Variants in ASIC4 observed in about 807,000 individuals in gnomAD.
ASIC4 encodes acid-sensing ion channel 4.
In ASIC4, 28 loss-of-function variants were observed where a neutral mutation model predicts 53.4. That is an observed-to-expected ratio of 0.52 (90% CI 0.39 to 0.72). The LOEUF (loss-of-function observed/expected upper bound fraction) is 0.72. Among genes scored for constraint, ASIC4 ranks in the 30% least tolerant of loss-of-function variants. The pLI, the probability that ASIC4 is intolerant of heterozygous loss-of-function variation, is 0.00. For synonymous variants in ASIC4, 289 were observed against 301.4 expected, an observed-to-expected ratio of 0.96 and a Z score of 0.43; for missense variants, 649 against 729.7, an observed-to-expected ratio of 0.89 and a Z score of 1.27.
chr2:219,532,956 C>A lies in ASIC4; in HGVS notation c.1075+17C>A. 6.2e-7 allele frequency: 1 copy of A among 1,612,296 alleles called. No individual in the cohort carries two copies. Among genetic ancestry groups the A allele is most frequent in the Non-Finnish European group, 8.5e-7 (1 of 1,178,432 alleles). ...ACACACTGGGTCCGTGCTGCCTACC[C>A]TTTCCTACCTCTCCATCAGCCTCTT... is the stretch of plus-strand genomic sequence containing the variant. On this transcript the variant is annotated intron_variant, in intron 5 of 9. Coordinates refer to ENST00000358078, the MANE Select transcript of ASIC4 (RefSeq NM_018674.6).
chr2:219,515,050 TG>T lies in ASIC4; in HGVS notation c.328del (p.Ala110ArgfsTer30). 6.2e-7 allele frequency: 1 copy of T among 1,613,480 alleles called. No individual in the cohort carries two copies. Among genetic ancestry groups the T allele is most frequent in the Non-Finnish European group, 8.5e-7 (1 of 1,179,940 alleles). On this transcript the variant is annotated frameshift_variant, in exon 1 of 10. Transcript: ENST00000358078. LOFTEE classifies it high-confidence loss of function. ...ATGGACCCCGCTGCCCCAGCCCCAGTGGCGGGCTTCCCGGCTGTCACCCTCT... is the reference window on the plus strand; with the variant it reads ...ATGGACCCCGCTGCCCCAGCCCCAGTGCGGGCTTCCCGGCTGTCACCCTCT... The part of the protein sequence containing the change: ...VAMDPAAPAP[V>X]AGFPAVTLCN...
chr2:219,521,706 G>A (rs929129758), intron 1 of ASIC4, among the ~76,000 whole-genome samples: 2 of 148,222 alleles, frequency 1.3e-5, no homozygotes, highest in East Asian at 1.9e-4. Context: ...GACAGAGGCC[G>A]GCCTCAGGCT....
the ASIC4 span, among the ~76,000 whole-genome samples, chr2:219,508,213 C>G: frequency 6.6e-6 from 1 of 152,162 alleles, no homozygotes; most frequent in African/African-American, 2.4e-5. Flanking sequence ...GAGGGTGGGC[C>G]ATAGGACCAG....
rs1695168273 is a variant in ASIC4 at position 219,537,736 on chromosome 2, G to A, written c.1506G>A (p.Gln502=). The A allele has an allele frequency of 1.9e-6, 3 of 1,612,854 alleles. No individual in the cohort carries two copies. The highest frequency in any genetic ancestry group is 2.5e-6 in the Non-Finnish European group (3 of 1,179,398). ...TGGGGCTTCAGGAGCTGAAGGAACA[G>A]GTGAGGACAAGCTCTAAATGCCTGC... The part of the protein sequence containing the change: ...STLGLQELKE[Q]SPCPSRGRVE... Residue 502 remains glutamine (Q), a splice_region_variant and synonymous_variant, in exon 9 of 10, where the codon CAG becomes CAA. Coordinates refer to ENST00000358078, the MANE Select transcript of ASIC4 (RefSeq NM_018674.6). This position sits in a 1 kb window ranked among gnomAD's most constrained non-coding sequence, Gnocchi z 4.9.
chr2:219,512,750 C>A (rs1157944529), upstream of ASIC4, among the ~76,000 whole-genome samples: 1 of 152,248 alleles, frequency 6.6e-6, no homozygotes, highest in Admixed American at 6.5e-5. Flanking sequence ...GGGGTCTTAT[C>A]TTCCCAGCTT....
intron 1 of ASIC4, among the ~76,000 whole-genome samples, chr2:219,529,671 A>G (rs1020059941): frequency 6.6e-6 from 1 of 152,020 alleles, no homozygotes; most frequent in Non-Finnish European, 1.5e-5. Flanking sequence ...GTGACTTTGG[A>G]CGTCACTTCA....
chr2:219,508,698 C>T, the ASIC4 span, among the ~76,000 whole-genome samples: 3 of 151,878 alleles, frequency 2.0e-5, no homozygotes, highest in Admixed American at 6.6e-5. Context: ...CTTTGTCCAC[C>T]GCTGCTGGGA....
At chr2:219,512,223 CT>C (rs1694711359), upstream of ASIC4, among the ~76,000 whole-genome samples, 1 of 152,062 alleles carries the variant, frequency 6.6e-6, no homozygotes, top group Non-Finnish European at 1.5e-5. Context: ...GATTTCTTTC[CT>C]TATAGAGGTT....
rs923465021 is a variant in ASIC4 at position 219,532,257 on chromosome 2, G to A, written c.856-58G>A. 12 of 1,597,766 alleles carry A rather than the reference G, an allele frequency of 7.5e-6. No homozygotes were observed. The Middle Eastern group carries it at 5.0e-4, about 67-fold the overall frequency. ...TGTGTTGACTTTGCTGGGGCTGTGGGCACTGGAGGACTGGGTGGGATTCCT... is the reference window on the plus strand; with the variant it reads ...TGTGTTGACTTTGCTGGGGCTGTGGACACTGGAGGACTGGGTGGGATTCCT... On this transcript the variant is annotated intron_variant, in intron 3 of 9. Transcript: ENST00000358078.
At chr2:219,534,918 C>A (rs1315311651) in intron 5 of ASIC4, among the ~76,000 whole-genome samples, 1 of 151,558 alleles carries the variant, frequency 6.6e-6, no homozygotes, top group East Asian at 1.9e-4. Context: ...CCACGAGGAC[C>A]CCCCCCCAGT....
chr2:219,535,088 C>T (rs1695105844), intron 5 of ASIC4, 83 bp from the exon 6 acceptor site: 1 of 1,534,374 alleles, frequency 6.5e-7, no homozygotes, highest in African/African-American at 1.4e-5. Flanking sequence ...TCAGGACGGC[C>T]CCTGGGCCTC....
At position 219,535,198 on chromosome 2, in the gene ASIC4, C is replaced by G; in HGVS notation, c.1103C>G (p.Pro368Arg). The G allele has an allele frequency of 6.2e-7, 1 of 1,613,794 alleles. No individual in the cohort carries two copies. The highest frequency in any genetic ancestry group is 8.5e-7 in the Non-Finnish European group (1 of 1,179,838). Residue 368 changes from proline to arginine, a missense_variant, in exon 6 of 10, where the codon CCG (proline) becomes CGG (arginine). Physicochemically the swap from Pro to Arg is moderately radical, Grantham distance 103. Coordinates refer to ENST00000358078, the MANE Select transcript of ASIC4 (RefSeq NM_018674.6). ...TCCCTGGGTGGGGGCCCTGAGGGCCCGTGCTTCTGCCCCACCCCCTGCAAC... is the reference window on the plus strand; with the variant it reads ...TCCCTGGGTGGGGGCCCTGAGGGCCGGTGCTTCTGCCCCACCCCCTGCAAC... ...LDSLGGGPEG[P>R]CFCPTPCNLT...
chr2:219,509,276 C>CCG (rs1421323067), upstream of ASIC4, among the ~76,000 whole-genome samples: 2 of 152,126 alleles, frequency 1.3e-5, no homozygotes, highest in African/African-American at 2.4e-5. This position sits in a 1 kb window ranked among gnomAD's most constrained non-coding sequence, Gnocchi z 5.2. Context: ...TCTGCTGCAT[C>CCG]CGCACGGAGC....
chr2:219,526,131 C>G (rs1559117405), intron 1 of ASIC4, among the ~76,000 whole-genome samples: 1 of 152,160 alleles, frequency 6.6e-6, no homozygotes, highest in African/African-American at 2.4e-5. Flanking sequence ...AGGATGCAAG[C>G]AAGCCAGCCA....
chr2:219,511,069 C>T (rs1256610016), upstream of ASIC4, among the ~76,000 whole-genome samples: 1 of 152,176 alleles, frequency 6.6e-6, no homozygotes, highest in Non-Finnish European at 1.5e-5. This position sits in a 1 kb window ranked among gnomAD's most constrained non-coding sequence, Gnocchi z 5.3. Flanking sequence ...TTGGTCCGCA[C>T]CAGGGCCAGG....
chr2:219,508,575 GC>G, the ASIC4 span, among the ~76,000 whole-genome samples: 51 of 151,208 alleles, frequency 3.4e-4, no homozygotes, highest in East Asian at 2.2e-3. Context: ...AGAAGGACAT[GC>G]CCCCCCCACT....
the ASIC4 span, among the ~76,000 whole-genome samples, chr2:219,508,446 G>C: frequency 6.6e-6 from 1 of 152,164 alleles, no homozygotes; most frequent in South Asian, 2.1e-4. Flanking sequence ...GAAGGGGAAA[G>C]GGTCAGTGTT....
intron 1 of ASIC4, among the ~76,000 whole-genome samples, chr2:219,520,071 C>G (rs903151741): frequency 6.6e-6 from 1 of 152,088 alleles, no homozygotes; most frequent in African/African-American, 2.4e-5. Context: ...TCAGGGTCCT[C>G]AAGGGTCCAG....
intron 1 of ASIC4, 143 bp from the exon 2 acceptor site, chr2:219,531,615 G>A (rs914918763): frequency 5.5e-6 from 5 of 912,688 alleles, no homozygotes; most frequent in Admixed American, 5.9e-5. Context: ...TGATTGGAGA[G>A]GCTGGGCTGT....
Sources: gnomAD v4.1 joint callset for allele counts (sites outside exome capture counted in the v4.1 genomes callset) on GRCh38, gnomAD v4.1.1 for gene constraint, Gnocchi (gnomAD v3.1) non-coding constraint, MANE v1.5 for transcripts, NCBI Gene and HGNC (gene_info 2026-07-23, HGNC 2026-07-21) for gene names.